The following TMEM217B variants were observed in gnomAD, a reference collection of about 807,000 sequenced individuals.
TMEM217B encodes transmembrane protein 217B.
the TMEM217B span, chr6:37,215,235 G>A: frequency 5.2e-5 from 84 of 1,613,860 alleles, no homozygotes; most frequent in East Asian, 1.7e-3. Flanking sequence ...GGTGCTGGGG[G>A]CTGAGCTTGG....
chr6:37,214,848 T>C, the TMEM217B span, among the ~76,000 whole-genome samples: 1 of 152,198 alleles, frequency 6.6e-6, no homozygotes, highest in Non-Finnish European at 1.5e-5. Flanking sequence ...AGGGAGGCAG[T>C]GTGTTGTCTA....
At chr6:37,229,943 C>T in the TMEM217B span, among the ~76,000 whole-genome samples, 4 of 152,168 alleles carry the variant, frequency 2.6e-5, no homozygotes, top group Non-Finnish European at 2.9e-5. Context: ...CCTGGGCTAG[C>T]GGGACCCTTC....
chr6:37,216,808 A>T, the TMEM217B span, among the ~76,000 whole-genome samples: 1 of 152,200 alleles, frequency 6.6e-6, no homozygotes, highest in Admixed American at 6.5e-5. Flanking sequence ...AAGTGACCTT[A>T]TAAAGGGACA....
chr6:37,217,889 A>G, the TMEM217B span: 2 of 985,854 alleles, frequency 2.0e-6, no homozygotes, highest in Non-Finnish European at 2.4e-6. Context: ...ATTTTGACCA[A>G]TCAGGTGGTA....
the TMEM217B span, among the ~76,000 whole-genome samples, chr6:37,235,514 C>A: frequency 2.6e-5 from 4 of 152,060 alleles, no homozygotes; most frequent in African/African-American, 7.2e-5. Flanking sequence ...TACAGGCACC[C>A]GCCACCACGC....
At chr6:37,227,896 A>C in the TMEM217B span, among the ~76,000 whole-genome samples, 1 of 152,148 alleles carries the variant, frequency 6.6e-6, no homozygotes, top group Non-Finnish European at 1.5e-5. Flanking sequence ...TATATAGGAA[A>C]AAGTTTTTAG....
At chr6:37,248,350 G>A in the TMEM217B span, among the ~76,000 whole-genome samples, 1 of 152,210 alleles carries the variant, frequency 6.6e-6, no homozygotes, top group African/African-American at 2.4e-5. Flanking sequence ...TATCTACAGT[G>A]TGTGGCAATG....
the TMEM217B span, among the ~76,000 whole-genome samples, chr6:37,225,492 G>C: frequency 6.6e-6 from 1 of 152,008 alleles, no homozygotes; most frequent in African/African-American, 2.4e-5. Flanking sequence ...GTTCCCTAAG[G>C]AAAAAAATAA....
chr6:37,230,499 C>G, the TMEM217B span, among the ~76,000 whole-genome samples: 1 of 152,024 alleles, frequency 6.6e-6, no homozygotes, highest in African/African-American at 2.4e-5. Flanking sequence ...AAAATTAGGT[C>G]ATTAGTGTCA....
chr6:37,230,916 C>G, the TMEM217B span, among the ~76,000 whole-genome samples: 1 of 152,046 alleles, frequency 6.6e-6, no homozygotes, highest in Non-Finnish European at 1.5e-5. Context: ...TTCAGTGAAA[C>G]TAAATAACAA....
At chr6:37,219,553 C>T in the TMEM217B span, among the ~76,000 whole-genome samples, 1 of 152,162 alleles carries the variant, frequency 6.6e-6, no homozygotes, top group Non-Finnish European at 1.5e-5. Flanking sequence ...CCAGCCTGGA[C>T]AACATGGTGA....
the TMEM217B span, among the ~76,000 whole-genome samples, chr6:37,226,259 TA>T: frequency 7.3e-5 from 11 of 150,058 alleles, no homozygotes; most frequent in African/African-American, 1.2e-4. Flanking sequence ...TGTTTTGTTT[TA>T]TTTTGTTTTT....
At chr6:37,218,930 T>C in the TMEM217B span, 1 of 1,614,212 alleles carries the variant, frequency 6.2e-7, no homozygotes, top group Middle Eastern at 1.6e-4. Context: ...TAGGTGCTTC[T>C]GTTCAAAGAT....
chr6:37,235,377 T>C, the TMEM217B span, among the ~76,000 whole-genome samples: 3 of 152,260 alleles, frequency 2.0e-5, no homozygotes, highest in African/African-American at 7.2e-5. Flanking sequence ...TATTATTATT[T>C]TTTTTTGAGA....
chr6:37,250,690 C>T, the TMEM217B span, among the ~76,000 whole-genome samples: 1 of 152,230 alleles, frequency 6.6e-6, no homozygotes, highest in Middle Eastern at 3.2e-3. Flanking sequence ...CTCTCTCAGG[C>T]GTGCGTGTGC....
chr6:37,235,951 G>A, the TMEM217B span, among the ~76,000 whole-genome samples: 1 of 152,052 alleles, frequency 6.6e-6, no homozygotes, highest in East Asian at 1.9e-4. Context: ...TTTTGGAGGG[G>A]TCAAACACAT....
At chr6:37,221,812 T>G in the TMEM217B span, among the ~76,000 whole-genome samples, 1 of 152,084 alleles carries the variant, frequency 6.6e-6, no homozygotes, top group African/African-American at 2.4e-5. Context: ...AAGTGTTAGA[T>G]CAGCTAAAAG....
chr6:37,237,800 TTCTC>T, the TMEM217B span, among the ~76,000 whole-genome samples: 28 of 152,220 alleles, frequency 1.8e-4, no homozygotes, highest in Non-Finnish European at 2.6e-4. Context: ...ACAACCATCT[TTCTC>T]TATATATATA....
the TMEM217B span, among the ~76,000 whole-genome samples, chr6:37,213,889 T>G: frequency 6.6e-6 from 1 of 152,168 alleles, no homozygotes; most frequent in Non-Finnish European, 1.5e-5. Flanking sequence ...ACCTCTGTTG[T>G]GGGGCAAAGG....
Sources: gnomAD v4.1 joint callset for allele counts (sites outside exome capture counted in the v4.1 genomes callset) on GRCh38, gnomAD v4.1.1 for gene constraint, MANE v1.5 for transcripts, NCBI Gene and HGNC (gene_info 2026-07-23, HGNC 2026-07-21) for gene names.